Variants in PLA2G4A observed in about 807,000 individuals in gnomAD.
PLA2G4A encodes cytosolic phospholipase A2.
A neutral mutation model predicts 81.9 loss-of-function variants in PLA2G4A; 40 were observed. The ratio of observed to expected loss-of-function variants is 0.49; its 90% CI spans 0.38 to 0.64. The LOEUF (loss-of-function observed/expected upper bound fraction) is 0.64, where lower values mean the gene tolerates loss of function less well. Ranked by LOEUF, PLA2G4A falls within the 30% of genes least tolerant of loss-of-function variation. The probability of loss-of-function intolerance (pLI) is 0.00; values close to 1 mark genes in which losing one functional copy is unlikely to be tolerated. For synonymous variants in PLA2G4A, 302 were observed against 296.9 expected (o/e 1.02, Z -0.18); for missense variants, 715 against 905.1 (o/e 0.79, Z 2.69).
At chr1:186,878,204 A>T (rs1413282652) in intron 3 of PLA2G4A, among the ~76,000 whole-genome samples, 2 of 143,872 alleles carry the variant, frequency 1.4e-5, no homozygotes, top group Admixed American at 1.4e-4. Context: ...TATCTATATA[A>T]ATATGTCTTT....
intron 7 of PLA2G4A, among the ~76,000 whole-genome samples, chr1:186,913,743 T>A (rs1464494176): frequency 6.6e-6 from 1 of 152,248 alleles, no homozygotes; most frequent in East Asian, 1.9e-4. Context: ...AATAATTTCA[T>A]AAATAAATTA....
chr1:186,946,694 C>T lies in PLA2G4A; in HGVS notation c.1091C>T (p.Ala364Val), dbSNP rs1029275407. ...ATGGCTAAATATGGTACTTTTATGG[C>T]TCCCGACTTATTTGGAAGCAAATTT... is the stretch of plus-strand genomic sequence containing the variant. ...IGMAKYGTFM[A>V]PDLFGSKFFM... is the part of the protein sequence containing the mutation. The change falls in exon 11 of 18, where the codon GCT (alanine) becomes GTT (valine). Residue 364 changes from alanine (A) to valine (V), a missense_variant. By Grantham distance (64) the Ala-to-Val change is moderately conservative. Coordinates refer to ENST00000367466, the MANE Select transcript of PLA2G4A (RefSeq NM_024420.3). 6.2e-6 allele frequency: 10 copies of T among 1,609,652 alleles called. No homozygotes were observed. Among genetic ancestry groups the T allele is most frequent in the African/African-American group, 1.3e-5 (1 of 74,778 alleles).
intron 8 of PLA2G4A, among the ~76,000 whole-genome samples, chr1:186,938,623 C>T (rs1009799509): frequency 1.1e-4 from 16 of 152,100 alleles, no homozygotes; most frequent in Non-Finnish European, 2.2e-4. Context: ...GATCAGATTG[C>T]TTGACTAGTC....
chr1:186,831,572 C>T (rs1651591755), intron 1 of PLA2G4A, among the ~76,000 whole-genome samples: 1 of 152,122 alleles, frequency 6.6e-6, no homozygotes, highest in African/African-American at 2.4e-5. Context: ...ATATTTACTA[C>T]TTTTATTCCA....
At chr1:186,947,746 C>A (rs2102235355) in intron 12 of PLA2G4A, among the ~76,000 whole-genome samples, 1 of 152,214 alleles carries the variant, frequency 6.6e-6, no homozygotes, top group South Asian at 2.1e-4. Flanking sequence ...GAATTTGGAG[C>A]CATAACAGCA....
intron 7 of PLA2G4A, among the ~76,000 whole-genome samples, chr1:186,917,211 C>G (rs1370555751): frequency 6.6e-6 from 1 of 152,072 alleles, no homozygotes; most frequent in East Asian, 1.9e-4. Context: ...AAAGGGTGAA[C>G]TGGGGAGAAT....
intron 2 of PLA2G4A, among the ~76,000 whole-genome samples, chr1:186,861,517 T>A (rs142935977): frequency 1.2e-4 from 19 of 152,314 alleles, no homozygotes; most frequent in Middle Eastern, 3.4e-3. Flanking sequence ...GTCCAGTTTA[T>A]AGTTACTTTT....
chr1:186,970,631 TCA>T (rs1303075117), intron 15 of PLA2G4A, among the ~76,000 whole-genome samples: 5 of 152,016 alleles, frequency 3.3e-5, no homozygotes, highest in African/African-American at 1.2e-4. Context: ...ATGTGGATAT[TCA>T]GTTTTCCCGG....
chr1:186,923,544 G>T (rs1655439476), intron 7 of PLA2G4A, among the ~76,000 whole-genome samples: 1 of 152,196 alleles, frequency 6.6e-6, no homozygotes, highest in Non-Finnish European at 1.5e-5. Context: ...TTAAAGCCTT[G>T]TTTGGAAGAA....
At chr1:186,983,904 T>C (rs1439787681) in intron 17 of PLA2G4A, among the ~76,000 whole-genome samples, 2 of 152,344 alleles carry the variant, frequency 1.3e-5, no homozygotes, top group East Asian at 1.9e-4. Context: ...GAAACGATGG[T>C]ATATATCATG....
At chr1:186,891,604 G>C (rs1420327074) in intron 3 of PLA2G4A, among the ~76,000 whole-genome samples, 1 of 152,106 alleles carries the variant, frequency 6.6e-6, no homozygotes, top group East Asian at 1.9e-4. Context: ...ATGACTTCCA[G>C]TTCCATCCAT....
intron 5 of PLA2G4A, among the ~76,000 whole-genome samples, chr1:186,904,628 T>G (rs908170534): frequency 2.6e-5 from 4 of 152,348 alleles, no homozygotes; most frequent in Middle Eastern, 6.8e-3. Flanking sequence ...CAGCACAGCC[T>G]GTAACATTCA....
intron 15 of PLA2G4A, among the ~76,000 whole-genome samples, chr1:186,971,452 CT>C (rs1170734765): frequency 6.6e-6 from 1 of 151,806 alleles, no homozygotes; most frequent in Non-Finnish European, 1.5e-5. Context: ...TATATACTTC[CT>C]TTTATTATTT....
intron 6 of PLA2G4A, among the ~76,000 whole-genome samples, chr1:186,909,268 C>T (rs1654854878): frequency 6.6e-6 from 1 of 150,922 alleles, no homozygotes; most frequent in African/African-American, 2.4e-5. Context: ...GCCACCGCGC[C>T]CGGCCTTTAA....
chr1:186,860,149 A>T (rs1652743254), intron 2 of PLA2G4A, among the ~76,000 whole-genome samples: 1 of 152,152 alleles, frequency 6.6e-6, no homozygotes, highest in African/African-American at 2.4e-5. Context: ...CCAATAGGAG[A>T]TATTAATTTA....
At chr1:186,918,920 A>T (rs1655244964) in intron 7 of PLA2G4A, among the ~76,000 whole-genome samples, 1 of 152,218 alleles carries the variant, frequency 6.6e-6, no homozygotes, top group South Asian at 2.1e-4. Context: ...TCTTGTGCTA[A>T]CAGGGCTGTT....
chr1:186,897,709 A>G (rs946774747), intron 5 of PLA2G4A, among the ~76,000 whole-genome samples: 16 of 152,146 alleles, frequency 1.1e-4, no homozygotes, highest in Non-Finnish European at 1.6e-4. Flanking sequence ...GGGTTTCACC[A>G]TGTTGGCCAG....
At chr1:186,981,153 A>G (rs1037845279) in intron 17 of PLA2G4A, among the ~76,000 whole-genome samples, 2 of 151,974 alleles carry the variant, frequency 1.3e-5, no homozygotes, top group African/African-American at 2.4e-5. Flanking sequence ...GTTTTCCAGT[A>G]TGAGCCAATA....
intron 3 of PLA2G4A, among the ~76,000 whole-genome samples, chr1:186,884,104 A>G (rs1454845293): frequency 6.6e-6 from 1 of 152,138 alleles, no homozygotes; most frequent in Non-Finnish European, 1.5e-5. Flanking sequence ...TATCCGAGAG[A>G]AGCGGTATTG....
Sources: gnomAD v4.1 joint callset for allele counts (sites outside exome capture counted in the v4.1 genomes callset) on GRCh38, gnomAD v4.1.1 for gene constraint, MANE v1.5 for transcripts, NCBI Gene and HGNC (gene_info 2026-07-23, HGNC 2026-07-21) for gene names.